Variants in DGKI observed in about 807,000 individuals in gnomAD.
DGKI encodes the protein diacylglycerol kinase iota.
DGKI carries 55 observed loss-of-function variants against 147.5 expected under a neutral mutation model. The ratio of observed to expected loss-of-function variants is 0.37; its 90% CI spans 0.30 to 0.47. The LOEUF (loss-of-function observed/expected upper bound fraction) is 0.47. DGKI is among the 20% of genes least tolerant of loss of function. The pLI is 1.00. For synonymous variants in DGKI, 469 were observed against 477.1 expected (o/e 0.98, Z 0.22); for missense variants, 1,007 against 1,323.8 (o/e 0.76, Z 3.71).
rs1215408450 is a variant in DGKI, at chr7:137,708,610, C to T, written c.402-18608G>A. Among the ~76,000 whole-genome samples the T allele has an allele frequency of 6.6e-5, 10 of 152,206 alleles. No homozygotes were observed. In the East Asian group the frequency reaches 1.9e-3, roughly 29 times the overall value. ...TTAGACATTCAATATTTTTATTCAG[C>T]TTCTACTATGTTCTAGGCTCAAAGT... is the stretch of plus-strand genomic sequence containing the variant. On this transcript the variant is annotated intron_variant, in intron 1 of 32. Transcript: ENST00000614521.
At chr7:137,581,770 A>C in intron 15 of DGKI, 80 bp downstream of exon 15, 1 of 1,184,482 alleles carries the variant, frequency 8.4e-7, no homozygotes, top group East Asian at 2.3e-5. Context: ...CGCGTAAGTG[A>C]TATACAAACA....
At chr7:137,528,897 TACC>T (rs1258007841) in intron 20 of DGKI, among the ~76,000 whole-genome samples, 1 of 152,210 alleles carries the variant, frequency 6.6e-6, no homozygotes, top group Non-Finnish European at 1.5e-5. Flanking sequence ...TTAGCCCATC[TACC>T]ACCATTTTTA....
chr7:137,444,081 A>G lies in DGKI; in HGVS notation c.2757T>C (p.Asp919=). The change falls in exon 28 of 33, where the codon GAT becomes GAC. Residue 919 remains aspartate (D), a synonymous_variant. Transcript: ENST00000614521. ...RVLQSPVSSE[D]HAILQAVIAG... ...AATAAGACAGATGATTCTTACCATGATCTTCTGAAGAGACTGGTGACCTAA... is the reference window on the plus strand; with the variant it reads ...AATAAGACAGATGATTCTTACCATGGTCTTCTGAAGAGACTGGTGACCTAA... 6.4e-7 allele frequency: 1 copy of G among 1,563,030 alleles called. No individual in the cohort carries two copies. Among genetic ancestry groups the G allele is most frequent in the Non-Finnish European group, 8.7e-7 (1 of 1,151,472 alleles).
At chr7:137,679,104 C>G (rs1160746454) in intron 2 of DGKI, among the ~76,000 whole-genome samples, 1 of 152,168 alleles carries the variant, frequency 6.6e-6, no homozygotes, top group African/African-American at 2.4e-5. Flanking sequence ...TAAGTAAAGA[C>G]AGTTTGAAAA....
At chr7:137,632,778 G>A (rs1013892387) in intron 6 of DGKI, among the ~76,000 whole-genome samples, 2 of 152,146 alleles carry the variant, frequency 1.3e-5, no homozygotes, top group African/African-American at 4.8e-5. Context: ...AGAATTGCTT[G>A]AACCCAGGGA....
At chr7:137,622,542 CTGT>C (rs1046494441) in intron 7 of DGKI, among the ~76,000 whole-genome samples, 4 of 152,170 alleles carry the variant, frequency 2.6e-5, no homozygotes, top group Admixed American at 2.6e-4. Context: ...TCATCCACCT[CTGT>C]TGCAATTACT....
At chr7:137,426,974 A>T (rs1812837840) in intron 28 of DGKI, among the ~76,000 whole-genome samples, 1 of 150,690 alleles carries the variant, frequency 6.6e-6, no homozygotes, top group Admixed American at 6.6e-5. Flanking sequence ...CCCCACTGTC[A>T]ACATTAGACA....
chr7:137,599,312 G>A (rs1585271033), intron 11 of DGKI, among the ~76,000 whole-genome samples: 1 of 152,064 alleles, frequency 6.6e-6, no homozygotes. Flanking sequence ...GATTGAGCAG[G>A]AATTAATATG....
At chr7:137,613,055 T>C (rs1820418991) in intron 8 of DGKI, among the ~76,000 whole-genome samples, 1 of 152,188 alleles carries the variant, frequency 6.6e-6, no homozygotes, top group Admixed American at 6.6e-5. Context: ...GACTCCTTGC[T>C]GGGCTATTAA....
At chr7:137,729,720 G>A (rs1794814808) in intron 1 of DGKI, among the ~76,000 whole-genome samples, 1 of 151,932 alleles carries the variant, frequency 6.6e-6, no homozygotes. Flanking sequence ...AAAAACAATG[G>A]ATATGTTTCA....
chr7:137,400,451 A>G (rs2128895583), intron 30 of DGKI, among the ~76,000 whole-genome samples: 1 of 152,356 alleles, frequency 6.6e-6, no homozygotes, highest in South Asian at 2.1e-4. Context: ...GTCCACAGTT[A>G]TCCAGGGTCT....
At chr7:137,408,039 A>G in intron 29 of DGKI, 44 bp from the exon 30 acceptor site, 1 of 1,608,524 alleles carries the variant, frequency 6.2e-7, no homozygotes, top group Non-Finnish European at 8.5e-7. Flanking sequence ...CAGAATTCGG[A>G]ACAAGGATAA....
At chr7:137,451,199 CAAGG>C (rs1813939760) in intron 27 of DGKI, among the ~76,000 whole-genome samples, 1 of 123,504 alleles carries the variant, frequency 8.1e-6, no homozygotes, top group African/African-American at 2.7e-5. Context: ...TCCAGGTTCC[CAAGG>C]AAGTAAGTTT....
chr7:137,687,931 C>G (rs1012774561), intron 2 of DGKI, among the ~76,000 whole-genome samples: 1 of 152,078 alleles, frequency 6.6e-6, no homozygotes, highest in Non-Finnish European at 1.5e-5. Flanking sequence ...ACAAACCCAG[C>G]CTTCATTCCT....
chr7:137,727,887 T>G (rs2116647344), intron 1 of DGKI, among the ~76,000 whole-genome samples: 1 of 152,248 alleles, frequency 6.6e-6, no homozygotes. Flanking sequence ...TTCAAGATCT[T>G]CAAGACAAAT....
At chr7:137,608,110 C>A (rs1820243873) in intron 10 of DGKI, among the ~76,000 whole-genome samples, 1 of 152,136 alleles carries the variant, frequency 6.6e-6, no homozygotes, top group Non-Finnish European at 1.5e-5. Context: ...ATACAACTTA[C>A]CTTCCTTATA....
chr7:137,514,626 T>G (rs977229826), intron 21 of DGKI, among the ~76,000 whole-genome samples: 3 of 152,152 alleles, frequency 2.0e-5, no homozygotes, highest in Admixed American at 2.0e-4. Flanking sequence ...CTTCCCTACC[T>G]CTATTTACCA....
At chr7:137,528,328 A>G (rs1817223597) in intron 20 of DGKI, among the ~76,000 whole-genome samples, 1 of 152,196 alleles carries the variant, frequency 6.6e-6, no homozygotes, top group African/African-American at 2.4e-5. Context: ...TGTCCCCATC[A>G]AAAAAGTAAG....
chr7:137,752,482 A>T (rs71541365), intron 1 of DGKI, among the ~76,000 whole-genome samples: 4,702 of 152,280 alleles, frequency 0.031, 114 homozygotes, highest in Non-Finnish European at 0.049. Context: ...AAGAAAGAAG[A>T]AGTAAAAACT....
Sources: gnomAD v4.1 joint callset for allele counts (sites outside exome capture counted in the v4.1 genomes callset) on GRCh38, gnomAD v4.1.1 for gene constraint, MANE v1.5 for transcripts, NCBI Gene and HGNC (gene_info 2026-07-23, HGNC 2026-07-21) for gene names.